The following MCOLN2 variants were observed in gnomAD, a reference collection of about 807,000 sequenced individuals.
MCOLN2 encodes mucolipin-2.
A neutral mutation model predicts 67.5 loss-of-function variants in MCOLN2; 57 were observed. That is an observed-to-expected ratio of 0.84 (90% CI 0.68 to 1.05). The LOEUF (loss-of-function observed/expected upper bound fraction) is 1.05, where lower values mean the gene tolerates loss of function less well. Ranked by LOEUF, MCOLN2 falls within the 50% of genes least tolerant of loss-of-function variation. The pLI, the probability that MCOLN2 is intolerant of heterozygous loss-of-function variation, is 0.00. For missense variants in MCOLN2, 620 were observed against 678.8 expected (o/e 0.91, Z 0.96); for synonymous variants, 246 against 233.3 (o/e 1.05, Z -0.50).
rs1661125958 is a variant in MCOLN2, at chr1:84,925,722, A to G, written c.*963T>C. On this transcript the variant is annotated 3_prime_UTR_variant, in exon 14 of 14. Coordinates refer to ENST00000370608, the MANE Select transcript of MCOLN2 (RefSeq NM_153259.4). ...GGTCACTTCCACATGTCATGTGTGT[A>G]CAACTGACCATTAGCACAAGTGACG... is the stretch of plus-strand genomic sequence containing the variant. 6.6e-6 allele frequency: 1 copy of G among 152,212 alleles called. No individual in the cohort carries two copies. The highest frequency in any genetic ancestry group is 2.4e-5 in the African/African-American group (1 of 41,452). The allele number at this position is 152,212 out of a possible 1,614,324, so 9.4% of individuals were successfully genotyped here. A position where few individuals can be genotyped will look rare whatever the true frequency, so the allele number is the denominator to read the frequency against.
chr1:84,936,693 A>C (rs1298852081), intron 11 of MCOLN2, among the ~76,000 whole-genome samples: 2 of 152,234 alleles, frequency 1.3e-5, no homozygotes, highest in East Asian at 3.8e-4. Context: ...CCTAAAAAGA[A>C]GAAAGTCTGA....
intron 1 of MCOLN2, chr1:84,972,050 AAAC>A (rs1326045639): frequency 6.6e-6 from 1 of 152,178 alleles, no homozygotes; most frequent in South Asian, 2.1e-4. Context: ...GGACAAAAAC[AAAC>A]AACAACAAAA....
chr1:84,939,542 G>C lies in MCOLN2; in HGVS notation c.1110+11C>G, dbSNP rs369413642. The C allele has an allele frequency of 4.3e-6, 7 of 1,613,002 alleles. No homozygotes were observed. The highest frequency in any genetic ancestry group is 1.3e-5 in the African/African-American group (1 of 74,762). On this transcript the variant is annotated intron_variant, in intron 9 of 13. Coordinates refer to ENST00000370608, the MANE Select transcript of MCOLN2 (RefSeq NM_153259.4). Reference sequence around the variant, plus strand: ...GATGAAGAACAGAGACTTTAAATGGGCTTCCCTCACCTTTGCTTTGATTTC... The same window carrying C: ...GATGAAGAACAGAGACTTTAAATGGCCTTCCCTCACCTTTGCTTTGATTTC...
At chr1:84,964,072 G>A (rs1366685120) in intron 2 of MCOLN2, among the ~76,000 whole-genome samples, 1 of 152,030 alleles carries the variant, frequency 6.6e-6, no homozygotes, top group Non-Finnish European at 1.5e-5. Flanking sequence ...TATTTTATTG[G>A]TTGCCAAGAC....
At position 84,947,135 on chromosome 1, in the gene MCOLN2, G is replaced by T; in HGVS notation, c.748-3C>A. ...TGAGCTTTATTGTCAAAGATAATCT[G>T]GAGACACAAATGTATAGCGAGATTA... On this transcript the variant is annotated splice_polypyrimidine_tract_variant and splice_region_variant and intron_variant, in intron 6 of 13. Coordinates refer to ENST00000370608, the MANE Select transcript of MCOLN2 (RefSeq NM_153259.4). The T allele has an allele frequency of 6.9e-7, 1 of 1,445,866 alleles. No homozygotes were observed. The highest frequency in any genetic ancestry group is 9.7e-7 in the Non-Finnish European group (1 of 1,028,540). The allele number at this position is 1,445,866 out of a possible 1,614,324, so 89.6% of individuals were successfully genotyped here.
At chr1:84,963,594 A>G (rs1649209191) in intron 2 of MCOLN2, among the ~76,000 whole-genome samples, 2 of 152,188 alleles carry the variant, frequency 1.3e-5, no homozygotes, top group South Asian at 2.1e-4. Flanking sequence ...TGACTAGATC[A>G]TGGGGGTAGA....
At chr1:84,970,515 CAA>C (rs536266906) in intron 1 of MCOLN2, among the ~76,000 whole-genome samples, 57 of 104,760 alleles carry the variant, frequency 5.4e-4, no homozygotes, top group African/African-American at 1.4e-3. Context: ...ACTAAAAATA[CAA>C]AAAAAAAAAA....
intron 1 of MCOLN2, among the ~76,000 whole-genome samples, chr1:84,982,935 C>T (rs1650331167): frequency 6.6e-6 from 1 of 152,030 alleles, no homozygotes; most frequent in Admixed American, 6.5e-5. Context: ...CCAGGCTGGT[C>T]TCGAACTCCT....
chr1:84,963,677 T>C (rs1263912546), intron 2 of MCOLN2, among the ~76,000 whole-genome samples: 1 of 152,120 alleles, frequency 6.6e-6, no homozygotes, highest in Non-Finnish European at 1.5e-5. Context: ...GTGTATCACC[T>C]TCCCCTTTGC....
intron 11 of MCOLN2, 101 bp downstream of exon 11, chr1:84,937,654 G>A: frequency 2.0e-6 from 3 of 1,518,590 alleles, no homozygotes; most frequent in Middle Eastern, 1.8e-4. Flanking sequence ...TGATGTCAAG[G>A]GTACATGCTA....
intron 11 of MCOLN2, among the ~76,000 whole-genome samples, chr1:84,936,756 T>C (rs910957277): frequency 2.0e-5 from 3 of 152,222 alleles, no homozygotes; most frequent in African/African-American, 7.2e-5. Flanking sequence ...AGGTTTAAGA[T>C]TCATGTATAA....
rs780602335 is a variant in MCOLN2 at position 84,931,428 on chromosome 1, G to A, written c.1476C>T (p.Ser492=). Reference sequence around the variant, plus strand: ...GACTGAGAATCATATATATAAAAAGGCTGATGAAGGAATATAAATACAGAC... The same window carrying A: ...GACTGAGAATCATATATATAAAAAGACTGATGAAGGAATATAAATACAGAC... The part of the protein sequence containing the change: ...FSRLYLYSFI[S]LFIYMILSLF... Residue 492 remains serine (S), a synonymous_variant, in exon 12 of 14, where the codon AGC becomes AGT. Transcript: ENST00000370608. 1.9e-6 allele frequency: 3 copies of A among 1,602,944 alleles called. No homozygotes were observed. Among genetic ancestry groups the A allele is most frequent in the East Asian group, 4.5e-5 (2 of 44,764 alleles).
In MCOLN2 at chr1:84,928,942, T is replaced by G. The variant is rs977751938; in HGVS notation, c.1664+616A>C. On this transcript the variant is annotated intron_variant, in intron 13 of 13. Coordinates refer to ENST00000370608, the MANE Select transcript of MCOLN2 (RefSeq NM_153259.4). ...ACAAACTGGCACCCCTGACTTCAGA[T>G]GAAAGCAAACATAGGCACATTAAAA... Among the ~76,000 whole-genome samples, 11 of 152,264 alleles carry G rather than the reference T, an allele frequency of 7.2e-5. No individual in the cohort carries two copies. In the East Asian group the frequency reaches 1.9e-3, roughly 27 times the overall value.
At chr1:84,985,797 A>G (rs761664886) in intron 1 of MCOLN2, among the ~76,000 whole-genome samples, 16 of 152,228 alleles carry the variant, frequency 1.1e-4, no homozygotes, top group Non-Finnish European at 2.1e-4. Context: ...CATAGATGAC[A>G]CAAACAAATG....
intron 7 of MCOLN2, among the ~76,000 whole-genome samples, chr1:84,943,478 G>A (rs975220728): frequency 1.3e-5 from 2 of 152,134 alleles, no homozygotes; most frequent in African/African-American, 2.4e-5. Context: ...AGAAAGGCCA[G>A]AGGAGAAGCA....
At chr1:84,948,464 T>C (rs617586) in intron 6 of MCOLN2, among the ~76,000 whole-genome samples, 3,265 of 152,150 alleles carry the variant, frequency 0.021, 116 homozygotes, top group African/African-American at 0.069. Context: ...AGCTATTCCA[T>C]AAAATTGGAA....
intron 11 of MCOLN2, among the ~76,000 whole-genome samples, chr1:84,935,558 T>A (rs945079731): frequency 6.6e-6 from 1 of 152,200 alleles, no homozygotes; most frequent in Non-Finnish European, 1.5e-5. Flanking sequence ...AAGACTAGTA[T>A]GGAGGAATGT....
chr1:84,952,475 G>C lies in MCOLN2; in HGVS notation c.621C>G (p.Asn207Lys). 2 of 1,612,338 alleles carry C rather than the reference G, an allele frequency of 1.2e-6. No homozygotes were observed. The highest frequency in any genetic ancestry group is 1.7e-6 in the Non-Finnish European group (2 of 1,178,432). The change falls in exon 5 of 14, where the codon AAC becomes AAG. Residue 207 changes from asparagine (N) to lysine (K), a missense_variant. Asn to Lys is a moderately conservative substitution (Grantham distance 94, BLOSUM62 0). Transcript: ENST00000370608. Reference sequence around the variant, plus strand: ...AAAATTCCAGTCTGAAGAATGATGAGTTCTTCCAGTCCGGAGGCTTCTTGG... The same window carrying C: ...AAAATTCCAGTCTGAAGAATGATGACTTCTTCCAGTCCGGAGGCTTCTTGG... ...DLSKKPPDWK[N>K]SSFFRLEFYR...
At chr1:84,939,924 C>T (rs962658978) in intron 8 of MCOLN2, among the ~76,000 whole-genome samples, 4 of 152,212 alleles carry the variant, frequency 2.6e-5, no homozygotes, top group East Asian at 1.9e-4. Context: ...AATACGTACG[C>T]GGTAACTCCA....
Sources: gnomAD v4.1 joint callset for allele counts (sites outside exome capture counted in the v4.1 genomes callset) on GRCh38, gnomAD v4.1.1 for gene constraint, MANE v1.5 for transcripts, NCBI Gene and HGNC (gene_info 2026-07-23, HGNC 2026-07-21) for gene names.